SOX5: variants seen among roughly 807,000 people sequenced by gnomAD.
SOX5 encodes the protein transcription factor SOX-5.
Under a neutral mutation model 92.0 loss-of-function variants are expected in SOX5, and 9 were observed. The observed-to-expected ratio is 0.10, with a 90% CI of 0.06 to 0.17. The LOEUF (loss-of-function observed/expected upper bound fraction) is 0.17. SOX5 is among the 10% of genes least tolerant of loss of function. The pLI, the probability that SOX5 is intolerant of heterozygous loss-of-function variation, is 1.00. For missense variants in SOX5, 642 were observed against 944.5 expected, an observed-to-expected ratio of 0.68 and a Z score of 4.20; for synonymous variants, 344 against 336.3, an observed-to-expected ratio of 1.02 and a Z score of -0.25.
chr12:24,041,723 C>T (rs563164408), intron 4 of SOX5, among the ~76,000 whole-genome samples: 4 of 152,178 alleles, frequency 2.6e-5, no homozygotes, highest in South Asian at 4.1e-4. Context: ...AATTGCTATA[C>T]ATGCTCAGAA....
Position 24,224,345 on chromosome 12 carries a change from CT to C in SOX5, c.-76-10929del, listed in dbSNP as rs555385034. 1.3e-3 allele frequency among the ~76,000 whole-genome samples: 193 copies of C among 147,390 alleles called. 1 individual carries two copies. Among genetic ancestry groups the C allele is most frequent in the African/African-American group, 3.9e-3 (155 of 40,250 alleles). On this transcript the variant is annotated intron_variant, in intron 3 of 4. Transcript: ENST00000446891. The stretch of plus-strand genomic sequence containing the variant: ...ACACAGTTTTTTTCTTTTTTTCTTT[CT>C]TTTTTTTTTCGCCTTTTTAAATATA...
At chr12:24,414,124 G>T (rs1483330384) in intron 1 of SOX5, among the ~76,000 whole-genome samples, 1 of 152,006 alleles carries the variant, frequency 6.6e-6, no homozygotes, top group Non-Finnish European at 1.5e-5. Context: ...TTAAATAATA[G>T]AGTTTCATTT....
intron 4 of SOX5, among the ~76,000 whole-genome samples, chr12:24,033,552 T>C (rs1384061812): frequency 6.6e-6 from 1 of 152,018 alleles, no homozygotes; most frequent in Non-Finnish European, 1.5e-5. Flanking sequence ...GGACCAGAAG[T>C]TTAATTCAGA....
rs1196173615 is a variant in SOX5, at chr12:24,393,923, G to T, written c.-250-25284C>A. Among the ~76,000 whole-genome samples the T allele has an allele frequency of 1.3e-5, 2 of 152,162 alleles. No homozygotes were observed. The highest frequency in any genetic ancestry group is 6.5e-5 in the Admixed American group (1 of 15,272). On this transcript the variant is annotated intron_variant, in intron 1 of 4. Transcript: ENST00000446891. This position sits in a 1 kb window ranked among gnomAD's most constrained non-coding sequence, Gnocchi z 5.0. ...GTATGCACACCTACATGAAGATAAAGATGGCAAAATATTCTTAAAATACCC... is the reference window on the plus strand; with the variant it reads ...GTATGCACACCTACATGAAGATAAATATGGCAAAATATTCTTAAAATACCC...
chr12:24,487,431 C>G (rs1188729476), intron 1 of SOX5, among the ~76,000 whole-genome samples: 4 of 151,950 alleles, frequency 2.6e-5, no homozygotes, highest in Non-Finnish European at 2.9e-5. Context: ...TTATAAAAAC[C>G]AAAAGGTAAA....
chr12:23,796,781 CT>C (rs1567834840), intron 3 of SOX5, among the ~76,000 whole-genome samples: 2 of 150,780 alleles, frequency 1.3e-5, no homozygotes, highest in Admixed American at 6.6e-5. Flanking sequence ...AGTGTATTTA[CT>C]CATTCTTATA....
intron 4 of SOX5, among the ~76,000 whole-genome samples, chr12:24,177,704 T>A (rs1328573242): frequency 2.0e-5 from 3 of 152,074 alleles, no homozygotes; most frequent in African/African-American, 4.8e-5. Context: ...AAACAATAGG[T>A]CCTATTTTCG....
At chr12:24,517,243 TAAC>T (rs994539799) in intron 1 of SOX5, among the ~76,000 whole-genome samples, 3 of 152,160 alleles carry the variant, frequency 2.0e-5, no homozygotes, top group Non-Finnish European at 4.4e-5. Flanking sequence ...AATAGTAAAT[TAAC>T]AAATTCTGAA....
intron 1 of SOX5, among the ~76,000 whole-genome samples, chr12:23,919,845 TA>T (rs1434802013): frequency 6.6e-6 from 1 of 152,182 alleles, no homozygotes; most frequent in Non-Finnish European, 1.5e-5. Context: ...AAAATAACCC[TA>T]AAAATGGCAT....
At chr12:23,733,555 G>A (rs767444715) in intron 6 of SOX5, among the ~76,000 whole-genome samples, 3 of 152,034 alleles carry the variant, frequency 2.0e-5, no homozygotes, top group East Asian at 1.9e-4. Context: ...AGCTATCTAC[G>A]GGTCATTAAA....
intron 4 of SOX5, among the ~76,000 whole-genome samples, chr12:24,171,654 T>C (rs1466900102): frequency 2.6e-5 from 4 of 152,018 alleles, no homozygotes; most frequent in Admixed American, 6.6e-5. Context: ...ATGATAACAC[T>C]GAATGTTTAG....
intron 3 of SOX5, among the ~76,000 whole-genome samples, chr12:23,759,139 T>C (rs186258035): frequency 7.9e-5 from 12 of 151,860 alleles, no homozygotes; most frequent in African/African-American, 2.9e-4. Flanking sequence ...CTTGGATAGA[T>C]GAAGTAAAAA....
chr12:24,044,441 T>C (rs1245243950), intron 4 of SOX5, among the ~76,000 whole-genome samples: 1 of 152,180 alleles, frequency 6.6e-6, no homozygotes, highest in Non-Finnish European at 1.5e-5. Context: ...ATTAAGACTT[T>C]TATGCTTCTT....
intron 4 of SOX5, among the ~76,000 whole-genome samples, chr12:24,096,171 G>A (rs967339362): frequency 1.3e-5 from 2 of 151,962 alleles, no homozygotes; most frequent in African/African-American, 4.8e-5. Flanking sequence ...AGAACATGCA[G>A]GTTTGTTATA....
At chr12:24,404,397 C>T (rs1485536353) in intron 1 of SOX5, among the ~76,000 whole-genome samples, 1 of 152,100 alleles carries the variant, frequency 6.6e-6, no homozygotes, top group Non-Finnish European at 1.5e-5. Flanking sequence ...ATAATTTATA[C>T]CTTGAATTCA....
intron 3 of SOX5, among the ~76,000 whole-genome samples, chr12:23,794,090 A>T (rs2095521616): frequency 6.6e-6 from 1 of 152,156 alleles, no homozygotes; most frequent in Non-Finnish European, 1.5e-5. Context: ...TTTCATTGAA[A>T]CCAGAGAGGA....
rs79230022 is a variant in SOX5 at position 23,651,132 on chromosome 12, C to A, written c.932-10235G>T. Among the ~76,000 whole-genome samples the A allele has an allele frequency of 7.5e-3, 1,142 of 152,052 alleles. 8 individuals carry two copies. The highest frequency in any genetic ancestry group is 0.012 in the Non-Finnish European group (797 of 67,942). On this transcript the variant is annotated intron_variant, in intron 7 of 14. Coordinates refer to ENST00000451604, the MANE Select transcript of SOX5 (RefSeq NM_006940.6). ...TTCCCTCATCGTTTTTGAATAATTACTTGTTCTCCCACTGATTTGAAATGT... is the reference window on the plus strand; with the variant it reads ...TTCCCTCATCGTTTTTGAATAATTAATTGTTCTCCCACTGATTTGAAATGT...
intron 4 of SOX5, among the ~76,000 whole-genome samples, chr12:24,005,999 T>G (rs923607842): frequency 1.3e-5 from 2 of 152,226 alleles, no homozygotes; most frequent in Non-Finnish European, 2.9e-5. Flanking sequence ...GAATAGTTTT[T>G]GCATTGATAC....
intron 1 of SOX5, among the ~76,000 whole-genome samples, chr12:24,486,801 T>C (rs187040286): frequency 6.6e-6 from 1 of 152,344 alleles, no homozygotes; most frequent in East Asian, 1.9e-4. Flanking sequence ...AATGTTAACA[T>C]GTACTGAGTC....
Sources: allele counts gnomAD v4.1 joint callset (sites outside exome capture counted in the v4.1 genomes callset), GRCh38; gene constraint gnomAD v4.1.1; non-coding constraint Gnocchi (gnomAD v3.1); transcripts MANE v1.5; gene names NCBI Gene and HGNC (gene_info 2026-07-23, HGNC 2026-07-21).